Variants in ST7 observed in about 807,000 individuals in gnomAD.
ST7 encodes the protein suppressor of tumorigenicity 7 protein.
ST7 carries 28 observed loss-of-function variants against 78.7 expected under a neutral mutation model. That is an observed-to-expected ratio of 0.36 (90% confidence interval 0.26 to 0.49). The LOEUF (loss-of-function observed/expected upper bound fraction) is 0.49. ST7 is among the 20% of genes least tolerant of loss of function. The pLI is 0.99. For synonymous variants in ST7, 247 were observed against 249.6 expected, an observed-to-expected ratio of 0.99 and a Z score of 0.10; for missense variants, 418 against 696.0, an observed-to-expected ratio of 0.60 and a Z score of 4.49.
intron 10 of ST7, among the ~76,000 whole-genome samples, chr7:117,187,255 C>T (rs1043082629): frequency 1.3e-5 from 2 of 152,136 alleles, no homozygotes; most frequent in Non-Finnish European, 2.9e-5. Context: ...AACTTACTAG[C>T]ATAAAAAGAT....
At position 117,221,924 on chromosome 7, in the gene ST7, T is replaced by G. The variant is rs1260601209; in HGVS notation, c.1500T>G (p.Ser500=). The G allele has an allele frequency of 6.2e-7, 1 of 1,608,968 alleles. No individual in the cohort carries two copies. Among genetic ancestry groups the G allele is most frequent in the Admixed American group, 1.7e-5 (1 of 59,376 alleles). Residue 500 remains serine (S), a splice_region_variant and synonymous_variant, in exon 15 of 16, where the codon TCT becomes TCG. Transcript: ENST00000323984. ...TTTCCCTTTTGGTCTTCTCCACAGC[T>G]TTCCATGAAGTCTCAGTTTACCCAA... The part of the protein sequence containing the change: ...TETADRELLP[S]FHEVSVYPKK...
rs1349651812 is a variant in ST7 at position 117,136,214 on chromosome 7, T to A, written c.844T>A (p.Ser282Thr). The stretch of plus-strand genomic sequence containing the variant: ...CTCTCAGCAGCTACAACATCATGGA[T>A]CCCAGTATGAAGCCCAACATAGTAA... ...RRSQQLQHHGSQYEAQHRRDT... is the reference protein window; with the variant it reads ...RRSQQLQHHGTQYEAQHRRDT... Residue 282 changes from serine (S) to threonine (T), a missense_variant, in exon 8 of 16, where the codon TCC becomes ACC. Around this residue, in one of 4 missense-constraint regions of ST7, gnomAD observed 288 missense variants for 537.1 expected, o/e 0.54. Transcript: ENST00000323984. The A allele has an allele frequency of 6.2e-7, 1 of 1,613,542 alleles. No homozygotes were observed. The highest frequency in any genetic ancestry group is 8.5e-7 in the Non-Finnish European group (1 of 1,179,698).
intron 12 of ST7, among the ~76,000 whole-genome samples, chr7:117,200,444 G>A (rs933212549): frequency 1.3e-5 from 2 of 152,200 alleles, no homozygotes; most frequent in Non-Finnish European, 2.9e-5. Flanking sequence ...TCCACGTGCT[G>A]TAGACAGAGC....
intron 1 of ST7, among the ~76,000 whole-genome samples, chr7:117,044,519 A>T (rs1324019609): frequency 6.6e-6 from 1 of 152,040 alleles, no homozygotes; most frequent in Non-Finnish European, 1.5e-5. Flanking sequence ...TCTAATTTTT[A>T]AAAATATTTT....
At chr7:117,064,395 A>G (rs996392181) in intron 1 of ST7, among the ~76,000 whole-genome samples, 2 of 152,176 alleles carry the variant, frequency 1.3e-5, no homozygotes, top group Non-Finnish European at 2.9e-5. Flanking sequence ...AAAGTCTCAA[A>G]AGATTTTGCT....
chr7:117,181,504 G>A (rs2117327727), intron 10 of ST7, among the ~76,000 whole-genome samples: 1 of 152,318 alleles, frequency 6.6e-6, no homozygotes, highest in East Asian at 1.9e-4. Flanking sequence ...TTGGGAGGTT[G>A]ACCTTGGCAG....
chr7:117,170,643 T>C (rs1807918745), intron 9 of ST7, among the ~76,000 whole-genome samples: 1 of 152,088 alleles, frequency 6.6e-6, no homozygotes, highest in South Asian at 2.1e-4. Context: ...ATCGCACCAC[T>C]GCACTCCAGC....
At chr7:117,156,338 G>C (rs1000077063) in intron 9 of ST7, among the ~76,000 whole-genome samples, 1 of 152,190 alleles carries the variant, frequency 6.6e-6, no homozygotes, top group African/African-American at 2.4e-5. Context: ...AAAGTGCACA[G>C]CTTTTTAGCC....
At chr7:117,091,701 G>A (rs1800629231) in intron 1 of ST7, among the ~76,000 whole-genome samples, 1 of 152,164 alleles carries the variant, frequency 6.6e-6, no homozygotes, top group Admixed American at 6.5e-5. Flanking sequence ...GAATTATTAT[G>A]TTGGTGATGG....
intron 10 of ST7, among the ~76,000 whole-genome samples, chr7:117,178,239 T>C (rs38864): frequency 0.13 from 19,141 of 152,198 alleles, 2,257 homozygotes; most frequent in African/African-American, 0.3. Flanking sequence ...TATGTTGAAG[T>C]ACGAACTTTT....
In ST7 at chr7:117,099,859, CCTT is replaced by C. The variant is rs773310860; in HGVS notation, c.234+18_234+20del. The C allele has an allele frequency of 3.2e-5, 51 of 1,600,848 alleles. 1 individual carries two copies. In the South Asian group the frequency reaches 3.8e-4, roughly 12 times the overall value. ...GGCTTATTTTGGTAAGTGGTGGAGT[CCTT>C]CTCATTTAAAAACATGCTGATTAGT... On this transcript the variant is annotated intron_variant, in intron 2 of 15. Transcript: ENST00000323984.
At chr7:117,222,893 G>A (rs942006057) in intron 15 of ST7, 1 of 1,614,082 alleles carries the variant, frequency 6.2e-7, no homozygotes, top group African/African-American at 1.3e-5. Context: ...CAGAGTTCAG[G>A]GACTGGAATT....
intron 12 of ST7, among the ~76,000 whole-genome samples, chr7:117,203,322 C>G (rs1811052475): frequency 6.6e-6 from 1 of 152,166 alleles, no homozygotes; most frequent in Non-Finnish European, 1.5e-5. Flanking sequence ...ATCTGTGAAA[C>G]AGGAATAGAA....
intron 10 of ST7, among the ~76,000 whole-genome samples, chr7:117,178,353 C>T (rs1425817965): frequency 6.6e-6 from 1 of 152,028 alleles, no homozygotes; most frequent in Admixed American, 6.6e-5. Context: ...AAAAAACAGG[C>T]GAAGCGAGAT....
At chr7:117,209,383 C>T (rs1174234239) in intron 12 of ST7, among the ~76,000 whole-genome samples, 3 of 152,222 alleles carry the variant, frequency 2.0e-5, no homozygotes, top group South Asian at 4.1e-4. Flanking sequence ...CAGTGCTACT[C>T]AATCTCAAAT....
At chr7:116,991,799 A>C (rs1390092671) in intron 1 of ST7, among the ~76,000 whole-genome samples, 1 of 152,214 alleles carries the variant, frequency 6.6e-6, no homozygotes, top group Non-Finnish European at 1.5e-5. Flanking sequence ...GAGACAAGGC[A>C]AATCCCTTCT....
chr7:117,153,925 G>A (rs1351565088), intron 9 of ST7, among the ~76,000 whole-genome samples: 2 of 152,192 alleles, frequency 1.3e-5, no homozygotes, highest in Non-Finnish European at 1.5e-5. Context: ...ATGTGCCAGT[G>A]TGGATGGGAA....
chr7:117,065,661 T>C (rs956793361), intron 1 of ST7, among the ~76,000 whole-genome samples: 2 of 152,240 alleles, frequency 1.3e-5, no homozygotes, highest in African/African-American at 4.8e-5. Flanking sequence ...ATCTCTGCGA[T>C]AGCATAATCC....
chr7:117,097,730 G>A (rs1312745685), intron 1 of ST7, among the ~76,000 whole-genome samples: 1 of 149,856 alleles, frequency 6.7e-6, no homozygotes, highest in Admixed American at 6.7e-5. Flanking sequence ...GTTATAAGCT[G>A]TAGGGGTGTT....
Sources: gnomAD v4.1 joint callset for allele counts (sites outside exome capture counted in the v4.1 genomes callset) on GRCh38, gnomAD v4.1.1 for gene constraint, gnomAD v4.1.1 regional missense constraint, MANE v1.5 for transcripts, NCBI Gene and HGNC (gene_info 2026-07-23, HGNC 2026-07-21) for gene names.